BACH2: variants seen among roughly 807,000 people sequenced by gnomAD.
BACH2 encodes the protein BACH transcriptional regulator 2.
A neutral mutation model predicts 61.8 loss-of-function variants in BACH2; 5 were observed. The observed-to-expected ratio is 0.08, with a 90% confidence interval of 0.04 to 0.17. BACH2 has a LOEUF of 0.17. Among genes scored for constraint, BACH2 ranks in the 10% least tolerant of loss-of-function variants. The pLI is 1.00. For missense variants in BACH2, 824 were observed against 1,091.1 expected, an observed-to-expected ratio of 0.76 and a Z score of 3.45; for synonymous variants, 446 against 440.1, an observed-to-expected ratio of 1.01 and a Z score of -0.17.
At chr6:89,986,507 A>AT (rs749794252) in intron 6 of BACH2, among the ~76,000 whole-genome samples, 26 of 152,180 alleles carry the variant, frequency 1.7e-4, no homozygotes, top group Non-Finnish European at 2.8e-4. Flanking sequence ...GTAGTGAATG[A>AT]TTTTTTTAAA....
intron 6 of BACH2, among the ~76,000 whole-genome samples, chr6:89,977,953 G>A (rs530828392): frequency 8.5e-5 from 13 of 152,310 alleles, no homozygotes; most frequent in African/African-American, 3.1e-4. Flanking sequence ...AGCAGCTGCT[G>A]CCCCTGGGAT....
intron 3 of BACH2, among the ~76,000 whole-genome samples, chr6:90,232,211 T>C (rs1412789316): frequency 1.4e-4 from 22 of 152,196 alleles, no homozygotes; most frequent in Admixed American, 1.2e-3. Context: ...TCATCTTAGG[T>C]ATAATGGGGT....
At chr6:90,217,123 G>C (rs1178190982) in intron 3 of BACH2, among the ~76,000 whole-genome samples, 1 of 152,180 alleles carries the variant, frequency 6.6e-6, no homozygotes, top group Non-Finnish European at 1.5e-5. Context: ...AACTTACACA[G>C]AGTAAGACCA....
rs563551064 is a variant in BACH2 at position 90,004,593 on chromosome 6, T to C, written c.243+4009A>G. Among the ~76,000 whole-genome samples the C allele has an allele frequency of 2.6e-5, 4 of 152,344 alleles. No homozygotes were observed. The South Asian group carries it at 6.2e-4, about 24-fold the overall frequency. On this transcript the variant is annotated intron_variant, in intron 6 of 8. Coordinates refer to ENST00000257749, the MANE Select transcript of BACH2 (RefSeq NM_021813.4). ...GTTGATGTGCAAACCCACTGTGGGC[T>C]GAGCATCTTCTAAGGAAGCACATCC...
intron 6 of BACH2, among the ~76,000 whole-genome samples, chr6:89,960,967 T>G (rs1001569105): frequency 6.6e-6 from 1 of 152,174 alleles, no homozygotes; most frequent in Non-Finnish European, 1.5e-5. Flanking sequence ...AAGCAAACAT[T>G]CCATATTGTC....
At chr6:90,210,956 A>G (rs1769324430) in intron 3 of BACH2, among the ~76,000 whole-genome samples, 1 of 151,970 alleles carries the variant, frequency 6.6e-6, no homozygotes, top group Admixed American at 6.6e-5. Flanking sequence ...AGTCAGGAGT[A>G]CCAGCCTGGC....
chr6:90,017,094 C>T (rs1278874652), intron 5 of BACH2, among the ~76,000 whole-genome samples: 1 of 151,994 alleles, frequency 6.6e-6, no homozygotes, highest in African/African-American at 2.4e-5. Flanking sequence ...AATATTTTTG[C>T]CACAATTTTT....
At chr6:90,209,049 G>A (rs1769249952) in intron 3 of BACH2, among the ~76,000 whole-genome samples, 1 of 146,242 alleles carries the variant, frequency 6.8e-6, no homozygotes, top group Non-Finnish European at 1.5e-5. Context: ...ACCAGGGCCT[G>A]TCGGGGGGTG....
intron 4 of BACH2, among the ~76,000 whole-genome samples, chr6:90,140,186 A>T (rs1043163937): frequency 1.3e-5 from 2 of 152,188 alleles, no homozygotes; most frequent in African/African-American, 4.8e-5. Context: ...ACTCTGACGC[A>T]CACTTCTTAC....
At chr6:90,146,060 T>C (rs1279744356) in intron 4 of BACH2, among the ~76,000 whole-genome samples, 2 of 152,272 alleles carry the variant, frequency 1.3e-5, no homozygotes, top group Admixed American at 6.5e-5. Context: ...TATAGACTTA[T>C]GTGCATGTGC....
intron 1 of BACH2, among the ~76,000 whole-genome samples, 180 bp downstream of exon 1, chr6:90,296,300 G>GAA: frequency 6.6e-6 from 1 of 151,698 alleles, no homozygotes; most frequent in Admixed American, 6.6e-5. Flanking sequence ...CCCGTTCCTA[G>GAA]AAAATGCCAT....
chr6:89,956,725 G>T (rs978453664), intron 6 of BACH2, among the ~76,000 whole-genome samples: 1 of 152,134 alleles, frequency 6.6e-6, no homozygotes, highest in Non-Finnish European at 1.5e-5. Context: ...ACTATGATAG[G>T]GATGAGGCAG....
intron 1 of BACH2, among the ~76,000 whole-genome samples, chr6:90,295,145 T>C (rs979944653): frequency 6.6e-6 from 1 of 151,466 alleles, no homozygotes; most frequent in African/African-American, 2.4e-5. Flanking sequence ...GGCGCCCCGG[T>C]CCCTCTCGTT....
rs193155437 is a variant in BACH2 at position 90,032,665 on chromosome 6, T to C, written c.-12-23809A>G. Among the ~76,000 whole-genome samples, 35 of 152,240 alleles carry C rather than the reference T, an allele frequency of 2.3e-4. No homozygotes were observed. The East Asian group carries it at 6.2e-3, about 27-fold the overall frequency. On this transcript the variant is annotated intron_variant, in intron 5 of 8. Coordinates refer to ENST00000257749, the MANE Select transcript of BACH2 (RefSeq NM_021813.4). ...ATCAAAACCACAATGAGATACCATC[T>C]CACATTGGTTAGAATGGCCATCATT...
chr6:90,035,493 T>C (rs547295225), intron 5 of BACH2, among the ~76,000 whole-genome samples: 17 of 152,166 alleles, frequency 1.1e-4, no homozygotes, highest in Non-Finnish European at 2.2e-4. Context: ...CTTTACTCTC[T>C]TGAATGCCTT....
At chr6:90,137,628 T>C (rs1289451671) in intron 4 of BACH2, among the ~76,000 whole-genome samples, 2 of 152,226 alleles carry the variant, frequency 1.3e-5, no homozygotes, top group African/African-American at 4.8e-5. Flanking sequence ...CACATTCTTA[T>C]TCAAGTTTGT....
At position 90,002,630 on chromosome 6, in the gene BACH2, C is replaced by T. The variant is rs62408183; in HGVS notation, c.243+5972G>A. Among the ~76,000 whole-genome samples, 1,345 of 152,194 alleles carry T rather than the reference C, an allele frequency of 8.8e-3. 8 individuals are homozygous for T. Among genetic ancestry groups the T allele is most frequent in the Middle Eastern group, 0.034 (10 of 294 alleles). ...ACTGAAAATACAAAAATTAGCCAGG[C>T]GTGGTGGTGCACACCTGTAATCCCA... On this transcript the variant is annotated intron_variant, in intron 6 of 8. Coordinates refer to ENST00000257749, the MANE Select transcript of BACH2 (RefSeq NM_021813.4).
intron 1 of BACH2, among the ~76,000 whole-genome samples, chr6:90,295,974 T>C (rs1166901707): frequency 1.3e-5 from 2 of 152,108 alleles, no homozygotes; most frequent in East Asian, 2.0e-4. Context: ...CAGCCCGGGA[T>C]GCGCACGCCG....
intron 4 of BACH2, among the ~76,000 whole-genome samples, chr6:90,110,452 T>C (rs1377168564): frequency 6.6e-6 from 1 of 152,236 alleles, no homozygotes; most frequent in Non-Finnish European, 1.5e-5. Flanking sequence ...TCGGAGATCT[T>C]TGAGATCTTT....
Sources: allele counts gnomAD v4.1 joint callset (sites outside exome capture counted in the v4.1 genomes callset), GRCh38; gene constraint gnomAD v4.1.1; transcripts MANE v1.5; gene names NCBI Gene and HGNC (gene_info 2026-07-23, HGNC 2026-07-21).